Variants in PPIL6 observed in about 807,000 individuals in gnomAD.
PPIL6 encodes the protein peptidylprolyl isomerase like 6.
A neutral mutation model predicts 36.8 loss-of-function variants in PPIL6; 39 were observed. The observed-to-expected ratio is 1.06, with a 90% confidence interval of 0.82 to 1.38. The LOEUF (loss-of-function observed/expected upper bound fraction) is 1.38, where lower values mean the gene tolerates loss of function less well. PPIL6 is among the 40% of genes most tolerant of loss of function. PPIL6 has a pLI of 0.00. For missense variants in PPIL6, 368 were observed against 379.1 expected (o/e 0.97, Z 0.24); for synonymous variants, 123 against 134.1 (o/e 0.92, Z 0.57).
intron 3 of PPIL6, among the ~76,000 whole-genome samples, chr6:109,427,629 G>T (rs747789106): frequency 7.2e-5 from 11 of 152,030 alleles, no homozygotes; most frequent in South Asian, 2.1e-4. Flanking sequence ...TCAAGGGATC[G>T]CCTACCTTGG....
At chr6:109,434,303 C>T (rs1380952660) in intron 2 of PPIL6, among the ~76,000 whole-genome samples, 1 of 152,050 alleles carries the variant, frequency 6.6e-6, no homozygotes, top group Non-Finnish European at 1.5e-5. Context: ...CACCTGTAAT[C>T]CCAACACTTT....
chr6:109,417,799 T>G (rs1185016258), intron 6 of PPIL6, among the ~76,000 whole-genome samples: 1 of 152,202 alleles, frequency 6.6e-6, no homozygotes, highest in East Asian at 1.9e-4. Context: ...ACCTGTCCAG[T>G]CCAACCTTGG....
chr6:109,435,262 A>T (rs1450463411), intron 2 of PPIL6, among the ~76,000 whole-genome samples: 1 of 150,446 alleles, frequency 6.6e-6, no homozygotes, highest in Non-Finnish European at 1.5e-5. Context: ...CCTTTATCTC[A>T]TGCTTTCCAA....
At chr6:109,417,350 C>T (rs1169501014) in intron 6 of PPIL6, among the ~76,000 whole-genome samples, 1 of 149,338 alleles carries the variant, frequency 6.7e-6, no homozygotes, top group Admixed American at 6.7e-5. Flanking sequence ...GAGTTCAAGT[C>T]CAGCTTGGGG....
At position 109,399,251 on chromosome 6, in the gene PPIL6, GTGCA is replaced by G. The variant is rs1477386886; in HGVS notation, c.824+780_824+783del. On this transcript the variant is annotated intron_variant, in intron 7 of 7. Coordinates refer to ENST00000521072, the MANE Select transcript of PPIL6 (RefSeq NM_173672.5). Reference sequence around the variant, plus strand: ...GCCTCCCGAGTAGCCGGGACTACAGGTGCATGCCACCACGCCTGGCTAATTTTTT... The same window carrying G: ...GCCTCCCGAGTAGCCGGGACTACAGGTGCCACCACGCCTGGCTAATTTTTT... Among the ~76,000 whole-genome samples, 4 of 152,168 alleles carry G rather than the reference GTGCA, an allele frequency of 2.6e-5. No individual in the cohort carries two copies. The East Asian group carries it at 7.7e-4, about 29-fold the overall frequency.
intron 2 of PPIL6, among the ~76,000 whole-genome samples, chr6:109,435,235 C>T (rs774082434): frequency 1.1e-4 from 16 of 151,744 alleles, no homozygotes; most frequent in Non-Finnish European, 2.4e-4. Context: ...CAGCGGCAAA[C>T]GGCACCATTG....
chr6:109,404,142 G>A (rs927650492), intron 6 of PPIL6, among the ~76,000 whole-genome samples: 1 of 152,202 alleles, frequency 6.6e-6, no homozygotes, highest in Non-Finnish European at 1.5e-5. Context: ...GATTCTATCT[G>A]GAGAGCAGAT....
chr6:109,422,814 A>G (rs1164320775), intron 5 of PPIL6, among the ~76,000 whole-genome samples: 1 of 152,254 alleles, frequency 6.6e-6, no homozygotes, highest in African/African-American at 2.4e-5. Flanking sequence ...GGAAAGCCTG[A>G]AGCATATTAA....
chr6:109,402,339 C>T (rs888198143), intron 6 of PPIL6, among the ~76,000 whole-genome samples: 2 of 152,048 alleles, frequency 1.3e-5, no homozygotes, highest in Non-Finnish European at 2.9e-5. Context: ...AGTTCGAGAC[C>T]AGTCTGGCCA....
intron 2 of PPIL6, among the ~76,000 whole-genome samples, chr6:109,432,533 C>A (rs982611791): frequency 6.6e-6 from 1 of 152,114 alleles, no homozygotes; most frequent in African/African-American, 2.4e-5. Flanking sequence ...ATCTGAGATT[C>A]TCATTGATCT....
intron 6 of PPIL6, among the ~76,000 whole-genome samples, chr6:109,405,927 G>C: frequency 6.6e-6 from 1 of 152,000 alleles, no homozygotes; most frequent in African/African-American, 2.4e-5. Context: ...TGGGTTTTTT[G>C]GGCTACTATC....
intron 2 of PPIL6, among the ~76,000 whole-genome samples, chr6:109,432,480 G>C (rs542697902): frequency 6.6e-6 from 1 of 152,162 alleles, no homozygotes; most frequent in Admixed American, 6.6e-5. Context: ...GAATAATTTG[G>C]AACAGCCATG....
chr6:109,411,896 C>T (rs1190742512), intron 6 of PPIL6, among the ~76,000 whole-genome samples: 1 of 152,192 alleles, frequency 6.6e-6, no homozygotes, highest in East Asian at 1.9e-4. Context: ...CTTCACCCTT[C>T]TGCAGCCCTC....
At position 109,431,194 on chromosome 6, in the gene PPIL6, G is replaced by GT. The variant is rs1562272665; in HGVS notation, c.382dup (p.Thr128AsnfsTer2). The GT allele has an allele frequency of 1.2e-6, 2 of 1,611,820 alleles. No individual in the cohort carries two copies. Among genetic ancestry groups the GT allele is most frequent in the Non-Finnish European group, 8.5e-7 (1 of 1,179,072 alleles). On this transcript the variant is annotated frameshift_variant, in exon 3 of 8. Transcript: ENST00000521072. LOFTEE classifies it high-confidence loss of function. ...TAAGAACTTAGCGGAAAAATCCTCA[G>GT]TGAGTGCGTCATAAAGTGCAGAGGG...
At position 109,400,034 on chromosome 6, in the gene PPIL6, C is replaced by A. The variant is rs557304424; in HGVS notation, c.824+1G>T. Reference sequence around the variant, plus strand: ...TATAAATAGATCTACAATATACATACCCAAAAGCCACAAATTTTCTATCTA... The same window carrying A: ...TATAAATAGATCTACAATATACATAACCAAAAGCCACAAATTTTCTATCTA... On this transcript the variant is annotated splice_donor_variant, in intron 7 of 7. Transcript: ENST00000521072. LOFTEE classifies it high-confidence loss of function. 3 of 1,608,858 alleles carry A rather than the reference C, an allele frequency of 1.9e-6. No individual in the cohort carries two copies. The highest frequency in any genetic ancestry group is 2.5e-6 in the Non-Finnish European group (3 of 1,176,474).
At position 109,428,522 on chromosome 6, in the gene PPIL6, C is replaced by A. The variant is rs567719451; in HGVS notation, c.421-1366G>T. ...GAACTATGATTGTGCCACTGCACTA[C>A]AGCCTGGGTGACAGAGTGAGACCCT... On this transcript the variant is annotated intron_variant, in intron 3 of 7. Coordinates refer to ENST00000521072, the MANE Select transcript of PPIL6 (RefSeq NM_173672.5). Among the ~76,000 whole-genome samples, 4 of 144,066 alleles carry A rather than the reference C, an allele frequency of 2.8e-5. No homozygotes were observed. The Admixed American group carries it at 2.9e-4, about 10-fold the overall frequency. 94.5% of individuals were successfully genotyped at this position (144,066 alleles called of 152,430 possible). A position where few individuals can be genotyped will look rare whatever the true frequency, so the allele number is the denominator to read the frequency against.
chr6:109,425,733 G>A (rs1294498783), intron 5 of PPIL6, among the ~76,000 whole-genome samples: 6 of 136,012 alleles, frequency 4.4e-5, no homozygotes, highest in African/African-American at 1.4e-4. Context: ...CTGGGCGACA[G>A]AGCGAGACTC....
chr6:109,403,365 A>G (rs1772644169), intron 6 of PPIL6, among the ~76,000 whole-genome samples: 1 of 152,162 alleles, frequency 6.6e-6, no homozygotes, highest in Non-Finnish European at 1.5e-5. Context: ...TTTAACACTT[A>G]AAACATTAAG....
intron 5 of PPIL6, among the ~76,000 whole-genome samples, chr6:109,420,042 T>C (rs955789140): frequency 6.6e-6 from 1 of 151,774 alleles, no homozygotes; most frequent in African/African-American, 2.4e-5. Context: ...TTAGAATATG[T>C]ATAAAAAATA....
Sources: gnomAD v4.1 joint callset for allele counts (sites outside exome capture counted in the v4.1 genomes callset) on GRCh38, gnomAD v4.1.1 for gene constraint, MANE v1.5 for transcripts, NCBI Gene and HGNC (gene_info 2026-07-23, HGNC 2026-07-21) for gene names.